The following MRAS variants were observed in gnomAD, a reference collection of about 807,000 sequenced individuals.
MRAS encodes the protein muscle RAS oncogene homolog, also known as ras-related protein M-Ras.
A neutral mutation model predicts 20.9 loss-of-function variants in MRAS; 4 were observed. The ratio of observed to expected loss-of-function variants is 0.19; its 90% confidence interval spans 0.09 to 0.44. The LOEUF is 0.44. Ranked by LOEUF, MRAS falls within the 20% of genes least tolerant of loss-of-function variation. The probability of loss-of-function intolerance (pLI) is 0.99; values close to 1 mark genes in which losing one functional copy is unlikely to be tolerated. For synonymous variants in MRAS, 98 were observed against 102.9 expected (o/e 0.95, Z 0.29); for missense variants, 154 against 277.5 (o/e 0.56, Z 3.16).
At chr3:138,401,951 C>T (rs1265123486) in intron 5 of MRAS, among the ~76,000 whole-genome samples, 1 of 152,176 alleles carries the variant, frequency 6.6e-6, no homozygotes, top group Admixed American at 6.5e-5. Flanking sequence ...CCTCCCCCAT[C>T]TCCCCCATTG....
chr3:138,389,758 C>A (rs771978955), intron 2 of MRAS, among the ~76,000 whole-genome samples: 3 of 151,926 alleles, frequency 2.0e-5, no homozygotes, highest in Non-Finnish European at 2.9e-5. Context: ...TATCTTACTT[C>A]CAAGGCTGTG....
rs1036601548 is a variant in MRAS at position 138,380,365 on chromosome 3, T to C, written c.193+7289T>C. Among the ~76,000 whole-genome samples the C allele has an allele frequency of 9.9e-5, 15 of 152,160 alleles. No individual in the cohort carries two copies. In the South Asian group the frequency reaches 2.5e-3, roughly 25 times the overall value. On this transcript the variant is annotated intron_variant, in intron 2 of 5. Coordinates refer to ENST00000423968, the MANE Select transcript of MRAS (RefSeq NM_001085049.3). ...TCTCACTCTGTCACCCAGGCCGGAA[T>C]GCAGTGGTGCGATCTCGGTTCACTG...
chr3:138,383,237 G>A (rs1332420029), intron 2 of MRAS, among the ~76,000 whole-genome samples: 8 of 152,168 alleles, frequency 5.3e-5, no homozygotes, highest in Admixed American at 5.2e-4. Flanking sequence ...AGTGAGGGGG[G>A]AAACAAGTCA....
intron 1 of MRAS, among the ~76,000 whole-genome samples, chr3:138,360,702 T>C (rs1016495176): frequency 1.3e-5 from 2 of 152,198 alleles, no homozygotes; most frequent in Non-Finnish European, 2.9e-5. Flanking sequence ...TGTCCTACTG[T>C]CTACCCAAGC....
At chr3:138,379,292 C>G (rs962154570) in intron 2 of MRAS, among the ~76,000 whole-genome samples, 2 of 151,852 alleles carry the variant, frequency 1.3e-5, no homozygotes, top group Admixed American at 1.3e-4. Context: ...CTTTCTGTGC[C>G]TGGCTTGTTT....
chr3:138,367,111 A>T (rs1451917442), intron 1 of MRAS, among the ~76,000 whole-genome samples: 1 of 152,108 alleles, frequency 6.6e-6, no homozygotes. Context: ...CTGCTGTCCT[A>T]TGCAGTGTGG....
At chr3:138,400,485 C>T (rs1302012528) in intron 4 of MRAS, 49 bp from the exon 5 acceptor site, 1 of 1,529,890 alleles carries the variant, frequency 6.5e-7, no homozygotes, top group African/African-American at 1.4e-5. Context: ...TGTAACAGGG[C>T]TTTGAGGATC....
At chr3:138,363,818 T>TCCC (rs1460751105) in intron 1 of MRAS, among the ~76,000 whole-genome samples, 25 of 65,368 alleles carry the variant, frequency 3.8e-4, no homozygotes, top group African/African-American at 8.1e-4. Flanking sequence ...TTAGAGGATT[T>TCCC]ACCCCCCCCC....
At chr3:138,360,610 C>T (rs956404202) in intron 1 of MRAS, among the ~76,000 whole-genome samples, 1 of 152,220 alleles carries the variant, frequency 6.6e-6, no homozygotes, top group Admixed American at 6.5e-5. Context: ...TGGGACTCCT[C>T]ACATGGTATG....
At chr3:138,386,435 T>A (rs1249041659) in intron 2 of MRAS, among the ~76,000 whole-genome samples, 1 of 152,204 alleles carries the variant, frequency 6.6e-6, no homozygotes, top group African/African-American at 2.4e-5. Context: ...GCAGTGTGTA[T>A]CAGAATTCCA....
chr3:138,371,842 CA>C (rs2054680458), intron 1 of MRAS, among the ~76,000 whole-genome samples: 3 of 152,128 alleles, frequency 2.0e-5, no homozygotes, highest in Non-Finnish European at 4.4e-5. Flanking sequence ...CCATCATGAC[CA>C]CAGATCCTGG....
chr3:138,352,116 G>A (rs1343227494), intron 1 of MRAS, among the ~76,000 whole-genome samples: 4 of 152,236 alleles, frequency 2.6e-5, no homozygotes, highest in African/African-American at 7.2e-5. Context: ...TGTGCAGTCA[G>A]CCAGTGGGTC....
intron 1 of MRAS, among the ~76,000 whole-genome samples, chr3:138,351,993 T>C (rs2054237881): frequency 6.6e-6 from 1 of 152,194 alleles, no homozygotes; most frequent in East Asian, 1.9e-4. Context: ...TGTAAGCCCA[T>C]TGTGCAGCCA....
At chr3:138,370,235 C>G (rs1344310628) in intron 1 of MRAS, among the ~76,000 whole-genome samples, 1 of 152,234 alleles carries the variant, frequency 6.6e-6, no homozygotes, top group African/African-American at 2.4e-5. Flanking sequence ...AGGAGAATCT[C>G]TTGAACTTGG....
In MRAS at chr3:138,402,347, C is replaced by T; in HGVS notation, c.*78C>T. ...CCTCCCCACCTAACTGCACTGAAAC[C>T]ATTTCTAACCACAACCCTTGGCCCA... On this transcript the variant is annotated 3_prime_UTR_variant, in exon 6 of 6. Coordinates refer to ENST00000423968, the MANE Select transcript of MRAS (RefSeq NM_001085049.3). 1 of 1,218,868 alleles carries T rather than the reference C, an allele frequency of 8.2e-7. No individual in the cohort carries two copies. The highest frequency in any genetic ancestry group is 1.3e-5 in the South Asian group (1 of 76,128). The allele number at this position is 1,218,868 out of a possible 1,614,324, so 75.5% of individuals were successfully genotyped here. A position where few individuals can be genotyped will look rare whatever the true frequency, so the allele number is the denominator to read the frequency against.
At chr3:138,387,566 G>T (rs1378624207) in intron 2 of MRAS, among the ~76,000 whole-genome samples, 1 of 152,178 alleles carries the variant, frequency 6.6e-6, no homozygotes, top group African/African-American at 2.4e-5. Context: ...CTCTTCACCT[G>T]TCAAATGCTG....
At chr3:138,369,351 A>G (rs1039822150) in intron 1 of MRAS, among the ~76,000 whole-genome samples, 1 of 152,206 alleles carries the variant, frequency 6.6e-6, no homozygotes, top group Non-Finnish European at 1.5e-5. Flanking sequence ...AGGTGGAGGC[A>G]GTGCCTGGTG....
chr3:138,360,023 A>G lies in MRAS; in HGVS notation c.-19+11256A>G, dbSNP rs1464148208. Among the ~76,000 whole-genome samples, 5 of 152,156 alleles carry G rather than the reference A, an allele frequency of 3.3e-5. No individual in the cohort carries two copies. The East Asian group carries it at 9.6e-4, about 29-fold the overall frequency. On this transcript the variant is annotated intron_variant, in intron 1 of 5. Transcript: ENST00000423968. ...AGACTATCTGGCAAGCTCATTGCAG[A>G]TATTATGTTGCAGCAGTCAGCTGGT...
rs555970603 is a variant in MRAS, at chr3:138,380,397, C to G, written c.193+7321C>G. ...GTGCGATCTCGGTTCACTGCAACCT[C>G]CGCTTTCTGAGTTCAAGTGATTATC... On this transcript the variant is annotated intron_variant, in intron 2 of 5. Coordinates refer to ENST00000423968, the MANE Select transcript of MRAS (RefSeq NM_001085049.3). 4.6e-5 allele frequency among the ~76,000 whole-genome samples: 7 copies of G among 152,256 alleles called. No homozygotes were observed. The East Asian group carries it at 1.4e-3, about 29-fold the overall frequency.
Sources: gnomAD v4.1 joint callset for allele counts (sites outside exome capture counted in the v4.1 genomes callset) on GRCh38, gnomAD v4.1.1 for gene constraint, MANE v1.5 for transcripts, NCBI Gene and HGNC (gene_info 2026-07-23, HGNC 2026-07-21) for gene names.